SEMA6D: variants seen among roughly 807,000 people sequenced by gnomAD.
SEMA6D encodes semaphorin-6D.
In SEMA6D, 35 loss-of-function variants were observed where a neutral mutation model predicts 106.6. That is an observed-to-expected ratio of 0.33 (90% CI 0.25 to 0.44). The LOEUF (loss-of-function observed/expected upper bound fraction) is 0.44, where lower values mean the gene tolerates loss of function less well. Ranked by LOEUF, SEMA6D falls within the 20% of genes least tolerant of loss-of-function variation. The pLI is 1.00. For missense variants in SEMA6D, 1,185 were observed against 1,345.9 expected, an observed-to-expected ratio of 0.88 and a Z score of 1.87; for synonymous variants, 499 against 487.7, an observed-to-expected ratio of 1.02 and a Z score of -0.31.
intron 2 of SEMA6D, among the ~76,000 whole-genome samples, chr15:47,460,355 C>G (rs2042467429): frequency 6.6e-6 from 1 of 152,018 alleles, no homozygotes; most frequent in South Asian, 2.1e-4. Flanking sequence ...CAAGAAGGGG[C>G]AAATCATTGC....
At chr15:47,703,632 A>G (rs1032135964) in intron 4 of SEMA6D, among the ~76,000 whole-genome samples, 3 of 152,190 alleles carry the variant, frequency 2.0e-5, no homozygotes, top group African/African-American at 7.2e-5. Context: ...TTGCATTTAC[A>G]TAAAGGAAAG....
intron 3 of SEMA6D, among the ~76,000 whole-genome samples, chr15:47,482,194 A>G (rs1263621536): frequency 6.6e-6 from 1 of 152,022 alleles, no homozygotes; most frequent in Non-Finnish European, 1.5e-5. Context: ...GGGAAACATT[A>G]TAAATTATGT....
chr15:47,217,905 A>ACACT (rs879678442), intron 1 of SEMA6D, among the ~76,000 whole-genome samples: 2 of 149,830 alleles, frequency 1.3e-5, no homozygotes, highest in South Asian at 2.1e-4. Context: ...ACACACACAC[A>ACACT]CTTTTATAAA....
intron 1 of SEMA6D, among the ~76,000 whole-genome samples, chr15:47,275,650 C>T (rs2034770758): frequency 6.6e-6 from 1 of 152,080 alleles, no homozygotes; most frequent in Non-Finnish European, 1.5e-5. Context: ...GCTCCACCAA[C>T]CTGCTATTCT....
intron 4 of SEMA6D, among the ~76,000 whole-genome samples, chr15:47,710,083 C>G (rs1385746168): frequency 6.6e-6 from 1 of 152,060 alleles, no homozygotes; most frequent in Non-Finnish European, 1.5e-5. Flanking sequence ...ATAGCCTAAC[C>G]AAAAGATCTA....
chr15:47,636,411 A>G (rs1052196239), intron 4 of SEMA6D, among the ~76,000 whole-genome samples: 2 of 152,176 alleles, frequency 1.3e-5, no homozygotes, highest in African/African-American at 2.4e-5. Flanking sequence ...TTAAAACCAG[A>G]CATGAGCTGA....
chr15:47,765,556 C>A, intron 13 of SEMA6D: 1 of 694,696 alleles, frequency 1.4e-6, no homozygotes, highest in Non-Finnish European at 1.8e-6. Context: ...AACCATCTAA[C>A]ACAGGAAAAT....
chr15:47,360,617 G>C (rs1335359495), intron 1 of SEMA6D, among the ~76,000 whole-genome samples: 1 of 152,170 alleles, frequency 6.6e-6, no homozygotes, highest in Non-Finnish European at 1.5e-5. Flanking sequence ...TAGAGAGCAA[G>C]GGTGTCCTGT....
At chr15:47,612,808 T>C (rs2076936618) in intron 4 of SEMA6D, among the ~76,000 whole-genome samples, 2 of 152,020 alleles carry the variant, frequency 1.3e-5, no homozygotes, top group Admixed American at 1.3e-4. Flanking sequence ...GATTGACAAA[T>C]AGGTGAGTTA....
At chr15:47,506,961 A>G (rs1484543945) in intron 3 of SEMA6D, among the ~76,000 whole-genome samples, 1 of 152,224 alleles carries the variant, frequency 6.6e-6, no homozygotes, top group Non-Finnish European at 1.5e-5. Flanking sequence ...AGCTGTATCT[A>G]ATGCTACAGT....
At chr15:47,659,469 G>A (rs1347013112) in intron 4 of SEMA6D, among the ~76,000 whole-genome samples, 2 of 151,614 alleles carry the variant, frequency 1.3e-5, no homozygotes, top group African/African-American at 4.8e-5. Flanking sequence ...TGAATCAAAT[G>A]TTAAAAAAAA....
intron 1 of SEMA6D, among the ~76,000 whole-genome samples, chr15:47,252,221 A>G (rs999499799): frequency 3.3e-5 from 5 of 152,206 alleles, no homozygotes; most frequent in Admixed American, 1.3e-4. Context: ...TAAAAAAATT[A>G]TTATTGAGTG....
chr15:47,770,141 CAT>C (rs925702941), intron 18 of SEMA6D, among the ~76,000 whole-genome samples: 3 of 152,152 alleles, frequency 2.0e-5, no homozygotes, highest in African/African-American at 7.2e-5. Flanking sequence ...TGAGACAAAA[CAT>C]ATGAGTTTAA....
chr15:47,616,422 A>G (rs1413187840), intron 4 of SEMA6D, among the ~76,000 whole-genome samples: 1 of 152,078 alleles, frequency 6.6e-6, no homozygotes, highest in African/African-American at 2.4e-5. Context: ...CACTTGCCTC[A>G]GCCTCCCAAA....
chr15:47,364,719 CA>C (rs2038947863), intron 1 of SEMA6D, among the ~76,000 whole-genome samples: 1 of 152,022 alleles, frequency 6.6e-6, no homozygotes, highest in Non-Finnish European at 1.5e-5. Context: ...TCTTAAGCCT[CA>C]CACGTACTTC....
chr15:47,364,328 G>C (rs2038927505), intron 1 of SEMA6D, among the ~76,000 whole-genome samples: 1 of 152,130 alleles, frequency 6.6e-6, no homozygotes, highest in South Asian at 2.1e-4. Flanking sequence ...AGCTCAGCTG[G>C]ATTATATTAT....
chr15:47,740,784 G>A (rs2080763120), intron 1 of SEMA6D, among the ~76,000 whole-genome samples: 1 of 152,126 alleles, frequency 6.6e-6, no homozygotes, highest in Non-Finnish European at 1.5e-5. Flanking sequence ...GGTCCCTGCT[G>A]CACCACTGCC....
At chr15:47,623,583 C>T (rs955215301) in intron 4 of SEMA6D, among the ~76,000 whole-genome samples, 7 of 152,156 alleles carry the variant, frequency 4.6e-5, no homozygotes, top group African/African-American at 1.7e-4. Context: ...GTTGATACTA[C>T]CAGCAGTAGT....
chr15:47,761,508 TTTC>T (rs2082060037), intron 6 of SEMA6D, 77 bp downstream of exon 6: 3 of 1,333,516 alleles, frequency 2.2e-6, no homozygotes, highest in South Asian at 2.7e-5. Context: ...AGTTGAAATC[TTTC>T]TGCTTTCCAG....
Sources: allele counts gnomAD v4.1 joint callset (sites outside exome capture counted in the v4.1 genomes callset), GRCh38; gene constraint gnomAD v4.1.1; transcripts MANE v1.5; gene names NCBI Gene and HGNC (gene_info 2026-07-23, HGNC 2026-07-21).